DENND2B: variants seen among roughly 807,000 people sequenced by gnomAD.
DENND2B encodes the protein DENN domain-containing protein 2B.
A neutral mutation model predicts 116.0 loss-of-function variants in DENND2B; 32 were observed. The observed-to-expected ratio is 0.28, with a 90% confidence interval of 0.21 to 0.37. DENND2B has a LOEUF of 0.37. Ranked by LOEUF, DENND2B falls within the 10% of genes least tolerant of loss-of-function variation. The pLI is 1.00. For synonymous variants in DENND2B, 588 were observed against 583.9 expected (o/e 1.01, Z -0.10); for missense variants, 1,276 against 1,477.7 (o/e 0.86, Z 2.24).
rs138928549 is a variant in DENND2B, at chr11:8,789,775, C to CAA, written c.-26+20740_-26+20741dup. The stretch of plus-strand genomic sequence containing the variant: ...CAACACAACAAGAGCCCCATCTCTA[C>CAA]AAAAAATAAAAAAATAAAAAAATAG... On this transcript the variant is annotated intron_variant, in intron 1 of 19. Coordinates refer to ENST00000313726, the MANE Select transcript of DENND2B (RefSeq NM_213618.2). Among the ~76,000 whole-genome samples the CAA allele has an allele frequency of 2.2e-3, 336 of 151,508 alleles. 1 individual carries two copies. The highest frequency in any genetic ancestry group is 5.0e-3 in the Admixed American group (76 of 15,252).
intron 13 of DENND2B, among the ~76,000 whole-genome samples, chr11:8,705,015 A>G (rs1179986176): frequency 1.3e-5 from 2 of 151,998 alleles, no homozygotes; most frequent in African/African-American, 4.8e-5. Flanking sequence ...GACCTTTTCT[A>G]CTTTGAGAAA....
rs151159165 is a variant in DENND2B at position 8,817,698 on chromosome 11, C to A, written c.-114-6363G>T. On this transcript the variant is annotated intron_variant, in intron 4 of 6. Transcript: ENST00000524757. Reference sequence around the variant, plus strand: ...CCAGCCCTAGTTCACCTCCGCTCAGCTCACAACCCTCCGTATAAAGCTCAA... The same window carrying A: ...CCAGCCCTAGTTCACCTCCGCTCAGATCACAACCCTCCGTATAAAGCTCAA... Among the ~76,000 whole-genome samples, 926 of 152,286 alleles carry A rather than the reference C, an allele frequency of 6.1e-3. 9 individuals carry two copies. The highest frequency in any genetic ancestry group is 0.022 in the African/African-American group (894 of 41,560).
intron 3 of DENND2B, among the ~76,000 whole-genome samples, chr11:8,851,967 C>T (rs2063024493): frequency 2.6e-5 from 4 of 152,128 alleles, no homozygotes; most frequent in Admixed American, 1.3e-4. Context: ...CCCATTATCC[C>T]TGGGCTCCTG....
At chr11:8,899,913 G>A (rs1217321975) in intron 1 of DENND2B, among the ~76,000 whole-genome samples, 1 of 152,178 alleles carries the variant, frequency 6.6e-6, no homozygotes, top group East Asian at 1.9e-4. Flanking sequence ...ATATATGAAT[G>A]TAATATAACA....
chr11:8,758,892 C>T (rs2054088468), intron 1 of DENND2B, among the ~76,000 whole-genome samples: 1 of 152,214 alleles, frequency 6.6e-6, no homozygotes, highest in South Asian at 2.1e-4. Flanking sequence ...GCATTGGCAA[C>T]AGCCACACAA....
In DENND2B at chr11:8,721,911, T is replaced by C. The variant is rs562401316; in HGVS notation, c.1478-4019A>G. Among the ~76,000 whole-genome samples, 29 of 152,338 alleles carry C rather than the reference T, an allele frequency of 1.9e-4. No individual in the cohort carries two copies. In the East Asian group the frequency reaches 4.1e-3, roughly 21 times the overall value. On this transcript the variant is annotated intron_variant, in intron 4 of 19. Transcript: ENST00000313726. Reference sequence around the variant, plus strand: ...CGCTCCCTCAGCCCAGGCTAGCTGATGGGAGTGGGAATCTGCAGGAATGCA... The same window carrying C: ...CGCTCCCTCAGCCCAGGCTAGCTGACGGGAGTGGGAATCTGCAGGAATGCA...
Position 8,789,367 on chromosome 11 carries a change from G to A in DENND2B, c.-26+21150C>T, listed in dbSNP as rs117835396. ...AAAGTTTAACAATAAAACAACTTACGTGCAAGATTAATGGGGAACAATGCC... is the reference window on the plus strand; with the variant it reads ...AAAGTTTAACAATAAAACAACTTACATGCAAGATTAATGGGGAACAATGCC... On this transcript the variant is annotated intron_variant, in intron 1 of 19. Coordinates refer to ENST00000313726, the MANE Select transcript of DENND2B (RefSeq NM_213618.2). Among the ~76,000 whole-genome samples the A allele has an allele frequency of 3.2e-4, 48 of 152,236 alleles. No homozygotes were observed. The East Asian group carries it at 6.4e-3, about 20-fold the overall frequency.
intron 1 of DENND2B, among the ~76,000 whole-genome samples, chr11:8,788,403 G>A (rs960301063): frequency 6.6e-6 from 1 of 152,106 alleles, no homozygotes; most frequent in Non-Finnish European, 1.5e-5. Flanking sequence ...CAACCAGTGG[G>A]CAGCAATGTC....
intron 4 of DENND2B, among the ~76,000 whole-genome samples, chr11:8,837,055 C>T (rs536034923): frequency 8.6e-5 from 13 of 151,922 alleles, no homozygotes; most frequent in African/African-American, 3.1e-4. Flanking sequence ...CGACAAAGGA[C>T]CACAGAACAG....
intron 2 of DENND2B, among the ~76,000 whole-genome samples, chr11:8,748,596 A>T (rs2051741362): frequency 1.3e-5 from 2 of 150,692 alleles, no homozygotes; most frequent in African/African-American, 5.0e-5. Context: ...ACTTCACACC[A>T]AAAGCCAGGC....
intron 10 of DENND2B, 65 bp downstream of exon 10, chr11:8,711,057 G>A: frequency 6.4e-7 from 1 of 1,571,758 alleles, no homozygotes; most frequent in Non-Finnish European, 8.8e-7. Context: ...CCCCACTCAG[G>A]TGCCCACGCT....
At chr11:8,882,482 CTATCAG>C (rs1278545884) in intron 1 of DENND2B, among the ~76,000 whole-genome samples, 1 of 152,156 alleles carries the variant, frequency 6.6e-6, no homozygotes, top group Non-Finnish European at 1.5e-5. Flanking sequence ...GGTTATTTAT[CTATCAG>C]TATAAGTTCC....
At chr11:8,695,041 G>A (rs1023020618) in intron 19 of DENND2B, among the ~76,000 whole-genome samples, 6 of 152,128 alleles carry the variant, frequency 3.9e-5, no homozygotes, top group African/African-American at 9.7e-5. Context: ...CAGCCTGAGT[G>A]ACAGAGCCAG....
intron 1 of DENND2B, among the ~76,000 whole-genome samples, chr11:8,902,331 A>C (rs2064181102): frequency 1.3e-5 from 2 of 152,068 alleles, no homozygotes; most frequent in South Asian, 4.2e-4. Context: ...ATCTCAAAAA[A>C]AAAAAAAAAA....
chr11:8,758,724 T>G (rs555113543), intron 1 of DENND2B, among the ~76,000 whole-genome samples: 1 of 152,196 alleles, frequency 6.6e-6, no homozygotes, highest in Admixed American at 6.5e-5. Context: ...TGAGCACAAG[T>G]GGCCCAGTTA....
chr11:8,744,924 A>AT (rs34208987), intron 2 of DENND2B, among the ~76,000 whole-genome samples: 102,994 of 145,660 alleles, frequency 0.71, 36,353 homozygotes, highest in East Asian at 0.99. Context: ...TCCAGACCTG[A>AT]TTTTTTTTTT....
rs1346930101 is a variant in DENND2B at position 8,778,201 on chromosome 11, CGA to C, written c.-25-27478_-25-27477del. On this transcript the variant is annotated intron_variant, in intron 1 of 19. Coordinates refer to ENST00000313726, the MANE Select transcript of DENND2B (RefSeq NM_213618.2). ...GCCCTTGGATCACCAGCAACTAGCT[CGA>C]AAGAGTCTGCCTAATGAGGACTGCA... is the stretch of plus-strand genomic sequence containing the variant. 1.4e-4 allele frequency among the ~76,000 whole-genome samples: 22 copies of C among 152,308 alleles called. No homozygotes were observed. In the East Asian group the frequency reaches 4.2e-3, roughly 29 times the overall value.
At chr11:8,695,336 C>T (rs2040169274) in intron 19 of DENND2B, 127 bp downstream of exon 19, 1 of 876,938 alleles carries the variant, frequency 1.1e-6, no homozygotes, top group Non-Finnish European at 1.8e-6. Context: ...GGGATGTCTA[C>T]ATCCTGTTCT....
chr11:8,782,156 T>A lies in DENND2B; in HGVS notation c.-26+28361A>T, dbSNP rs570660475. On this transcript the variant is annotated intron_variant, in intron 1 of 19. Transcript: ENST00000313726. ...AGACTTTAACCATTTCTCACTGCCA[T>A]ATAATGGTGCATTATACACCAATTA... is the stretch of plus-strand genomic sequence containing the variant. 2.6e-5 allele frequency among the ~76,000 whole-genome samples: 4 copies of A among 152,322 alleles called. No individual in the cohort carries two copies. In the South Asian group the frequency reaches 8.3e-4, roughly 32 times the overall value.
Sources: gnomAD v4.1 joint callset for allele counts (sites outside exome capture counted in the v4.1 genomes callset) on GRCh38, gnomAD v4.1.1 for gene constraint, MANE v1.5 for transcripts, NCBI Gene and HGNC (gene_info 2026-07-23, HGNC 2026-07-21) for gene names.